FMN2: variants seen among roughly 807,000 people sequenced by gnomAD.
The protein encoded by FMN2 is formin-2.
A neutral mutation model predicts 142.3 loss-of-function variants in FMN2; 51 were observed. The ratio of observed to expected loss-of-function variants is 0.36; its 90% CI spans 0.29 to 0.45. FMN2 has a LOEUF of 0.45. Ranked by LOEUF, FMN2 falls within the 20% of genes least tolerant of loss-of-function variation. The pLI, the probability that FMN2 is intolerant of heterozygous loss-of-function variation, is 1.00. For synonymous variants in FMN2, 882 were observed against 869.8 expected, an observed-to-expected ratio of 1.01 and a Z score of -0.25; for missense variants, 1,936 against 2,122.8, an observed-to-expected ratio of 0.91 and a Z score of 1.73.
At position 240,144,558 on chromosome 1, in the gene FMN2, CAT is replaced by C. The variant is rs1162455420; in HGVS notation, c.1782+21214_1782+21215del. On this transcript the variant is annotated intron_variant, in intron 2 of 17. Transcript: ENST00000319653. The stretch of plus-strand genomic sequence containing the variant: ...AAGATGTCTTCTACCAGCTCCATGT[CAT>C]TGCGCATCAGTGCCAATCTCAGAGC... 5.7e-6 allele frequency: 8 copies of C among 1,407,296 alleles called. No individual in the cohort carries two copies. The African/African-American group carries it at 1.1e-4, about 20-fold the overall frequency. 87.2% of individuals were successfully genotyped at this position (1,407,296 alleles called of 1,614,324 possible). A position where few individuals can be genotyped will look rare whatever the true frequency, so the allele number is the denominator to read the frequency against.
chr1:240,343,378 A>G (rs564326526), intron 13 of FMN2, among the ~76,000 whole-genome samples: 1 of 152,306 alleles, frequency 6.6e-6, no homozygotes, highest in East Asian at 1.9e-4. Flanking sequence ...CACATAGTGC[A>G]AGCTGAGGCT....
chr1:240,246,790 A>C (rs1668097253), intron 6 of FMN2, among the ~76,000 whole-genome samples: 1 of 152,214 alleles, frequency 6.6e-6, no homozygotes, highest in African/African-American at 2.4e-5. Flanking sequence ...TATTAAGAGA[A>C]TTATTAAGAG....
intron 14 of FMN2, among the ~76,000 whole-genome samples, chr1:240,375,837 TTTTC>T (rs1242258779): frequency 2.0e-5 from 3 of 152,222 alleles, no homozygotes; most frequent in Non-Finnish European, 4.4e-5. Context: ...TCTTTACTGA[TTTTC>T]TTTCTAATTT....
intron 2 of FMN2, among the ~76,000 whole-genome samples, chr1:240,146,903 T>C (rs547809144): frequency 6.6e-6 from 1 of 152,230 alleles, no homozygotes; most frequent in Admixed American, 6.5e-5. Context: ...AGAATGGGAA[T>C]TTCAGACTCA....
chr1:240,138,636 G>A (rs1034643979), intron 2 of FMN2, among the ~76,000 whole-genome samples: 5 of 152,078 alleles, frequency 3.3e-5, no homozygotes, highest in Non-Finnish European at 7.4e-5. Context: ...GAACCAAGGA[G>A]CTGGCGGTTG....
At chr1:240,202,521 G>T (rs1195624492) in intron 4 of FMN2, among the ~76,000 whole-genome samples, 1 of 151,898 alleles carries the variant, frequency 6.6e-6, no homozygotes, top group East Asian at 1.9e-4. Context: ...ATTTTTAGAG[G>T]CAGAGTCTCA....
chr1:240,450,171 A>T (rs1675960760), intron 16 of FMN2, among the ~76,000 whole-genome samples: 1 of 152,188 alleles, frequency 6.6e-6, no homozygotes, highest in Non-Finnish European at 1.5e-5. Flanking sequence ...TGCAGAGCCA[A>T]ATAAATGAAA....
chr1:240,430,235 A>C (rs758199868), intron 15 of FMN2, among the ~76,000 whole-genome samples: 1 of 152,076 alleles, frequency 6.6e-6, no homozygotes, highest in African/African-American at 2.4e-5. Context: ...TTTCCCTTGG[A>C]ATTAATAGGC....
At position 240,355,951 on chromosome 1, in the gene FMN2, C is replaced by CAAAA. The variant is rs58002724; in HGVS notation, c.4858+75_4858+78dup. Reference sequence around the variant, plus strand: ...GTGTTATGTTTTTCTCCCCTTTCAGCAAAAAAAAAAAAAAAAAAAAAAAAA... The same window carrying CAAAA: ...GTGTTATGTTTTTCTCCCCTTTCAGCAAAAAAAAAAAAAAAAAAAAAAAAAAAAA... On this transcript the variant is annotated intron_variant, in intron 14 of 17. Coordinates refer to ENST00000319653, the MANE Select transcript of FMN2 (RefSeq NM_020066.5). 250 of 252,508 alleles carry CAAAA rather than the reference C, an allele frequency of 9.9e-4. 16 individuals carry two copies. The highest frequency in any genetic ancestry group is 2.8e-3 in the African/African-American group (72 of 25,906). 15.6% of individuals were successfully genotyped at this position (252,508 alleles called of 1,614,324 possible). A position where few individuals can be genotyped will look rare whatever the true frequency, so the allele number is the denominator to read the frequency against.
intron 8 of FMN2, among the ~76,000 whole-genome samples, chr1:240,305,804 T>C (rs1306517578): frequency 8.9e-6 from 1 of 111,870 alleles, no homozygotes. Flanking sequence ...CTTCCACTTA[T>C]ACTTCTTGTC....
chr1:240,123,695 A>G (rs1662387027), intron 2 of FMN2, among the ~76,000 whole-genome samples: 1 of 152,158 alleles, frequency 6.6e-6, no homozygotes, highest in South Asian at 2.1e-4. Context: ...CTCTGTAACC[A>G]TTTTTAAATG....
At chr1:240,171,082 C>G in intron 2 of FMN2, 1 of 1,430,834 alleles carries the variant, frequency 7.0e-7, no homozygotes, top group Non-Finnish European at 9.8e-7. Context: ...TGCCACTCAT[C>G]CATTCCAGCT....
intron 1 of FMN2, among the ~76,000 whole-genome samples, chr1:240,119,276 C>G (rs941768200): frequency 6.6e-6 from 1 of 150,670 alleles, no homozygotes; most frequent in African/African-American, 2.4e-5. Context: ...TTGCAGTGAG[C>G]CAAGATCATG....
At chr1:240,389,009 A>G (rs1673514382) in intron 14 of FMN2, among the ~76,000 whole-genome samples, 1 of 152,138 alleles carries the variant, frequency 6.6e-6, no homozygotes, top group Admixed American at 6.5e-5. Context: ...CCCTATAATT[A>G]TCTTGATTAT....
At chr1:240,161,310 A>T (rs10926150) in intron 2 of FMN2, among the ~76,000 whole-genome samples, 46,673 of 151,602 alleles carry the variant, frequency 0.31, 7,671 homozygotes, top group African/African-American at 0.44. Flanking sequence ...GGCAGGCGGA[A>T]TACGAGGTCA....
chr1:240,324,611 A>G (rs1356228258), intron 8 of FMN2, among the ~76,000 whole-genome samples: 1 of 145,992 alleles, frequency 6.8e-6, no homozygotes, highest in East Asian at 2.2e-4. Flanking sequence ...TAGTGAGCCG[A>G]GATCATATCA....
At position 240,290,780 on chromosome 1, in the gene FMN2, G is replaced by GTTTTTTTTTTTTT. The variant is rs869026471; in HGVS notation, c.4154-4030_4154-4029insTTTTTTTTTTTTT. 1.4e-4 allele frequency among the ~76,000 whole-genome samples: 14 copies of GTTTTTTTTTTTTT among 100,190 alleles called. 3 individuals are homozygous for GTTTTTTTTTTTTT. The highest frequency in any genetic ancestry group is 3.2e-4 in the South Asian group (1 of 3,102). 65.7% of individuals were successfully genotyped at this position (100,190 alleles called of 152,430 possible). A position where few individuals can be genotyped will look rare whatever the true frequency, so the allele number is the denominator to read the frequency against. On this transcript the variant is annotated intron_variant, in intron 7 of 17. Coordinates refer to ENST00000319653, the MANE Select transcript of FMN2 (RefSeq NM_020066.5). Reference sequence around the variant, plus strand: ...GTCTGGAGTGATGTCTGTTTGTTTGGTTTTTTTTTTTTGTTTTTTTTTTTT... The same window carrying GTTTTTTTTTTTTT: ...GTCTGGAGTGATGTCTGTTTGTTTGGTTTTTTTTTTTTTTTTTTTTTTTTTGTTTTTTTTTTTT...
chr1:240,255,325 A>G (rs909302828), intron 6 of FMN2, among the ~76,000 whole-genome samples: 2 of 152,160 alleles, frequency 1.3e-5, no homozygotes, highest in Non-Finnish European at 2.9e-5. Context: ...GGCGAGTACC[A>G]GGTGCCTCTA....
intron 13 of FMN2, among the ~76,000 whole-genome samples, chr1:240,352,935 T>C (rs1035993397): frequency 6.6e-6 from 1 of 152,198 alleles, no homozygotes; most frequent in Non-Finnish European, 1.5e-5. Context: ...GTCAGCTACT[T>C]TCTGAATAAT....
Sources: allele counts gnomAD v4.1 joint callset (sites outside exome capture counted in the v4.1 genomes callset), GRCh38; gene constraint gnomAD v4.1.1; transcripts MANE v1.5; gene names NCBI Gene and HGNC (gene_info 2026-07-23, HGNC 2026-07-21).